NSUN6: variants seen among roughly 807,000 people sequenced by gnomAD.
The protein encoded by NSUN6 is tRNA (cytosine(72)-C(5))-methyltransferase NSUN6.
NSUN6 carries 64 observed loss-of-function variants against 58.0 expected under a neutral mutation model. The observed-to-expected ratio is 1.10, with a 90% CI of 0.90 to 1.36. The LOEUF (loss-of-function observed/expected upper bound fraction) is 1.36. Ranked by LOEUF, NSUN6 falls within the 40% of genes most tolerant of loss-of-function variation. The pLI, the probability that NSUN6 is intolerant of heterozygous loss-of-function variation, is 0.00. For missense variants in NSUN6, 701 were observed against 550.1 expected (o/e 1.27, Z -2.74); for synonymous variants, 231 against 193.9 (o/e 1.19, Z -1.59).
Position 18,643,278 on chromosome 10 carries a change from C to A in NSUN6, c.232-723G>T, listed in dbSNP as rs149982924. On this transcript the variant is annotated intron_variant, in intron 2 of 10. Transcript: ENST00000377304. ...CACAAGCAGAAGACAATTGGACACC[C>A]TACACAGAATAAAAAACAGCTGCAT... 2.4e-3 allele frequency among the ~76,000 whole-genome samples: 361 copies of A among 151,400 alleles called. 2 individuals carry two copies. Among genetic ancestry groups the A allele is most frequent in the African/African-American group, 8.1e-3 (334 of 41,256 alleles).
At position 18,586,004 on chromosome 10, in the gene NSUN6, T is replaced by C. The variant is rs779737658; in HGVS notation, c.867A>G (p.Ala289=). 2 of 1,612,282 alleles carry C rather than the reference T, an allele frequency of 1.2e-6. No individual in the cohort carries two copies. Among genetic ancestry groups the C allele is most frequent in the African/African-American group, 1.3e-5 (1 of 74,842 alleles). The part of the protein sequence containing the change: ...ALLLGLNSIR[A]FCFDGTKAVK... ...CCGCCTTTGTTCCATCAAAACAAAA[T>C]GCCCTGATGGAATTCAGCCCTAACA... Residue 289 remains alanine, a synonymous_variant, in exon 8 of 11, where the codon GCA becomes GCG. Transcript: ENST00000377304.
intron 8 of NSUN6, among the ~76,000 whole-genome samples, chr10:18,556,330 T>TGG (rs2055019658): frequency 2.4e-5 from 1 of 42,342 alleles, no homozygotes; most frequent in Admixed American, 2.4e-4. Context: ...GAATGGGGAA[T>TGG]GTAATGGAAT....
At chr10:18,621,048 G>C (rs2058588042) in intron 3 of NSUN6, among the ~76,000 whole-genome samples, 1 of 152,228 alleles carries the variant, frequency 6.6e-6, no homozygotes, top group African/African-American at 2.4e-5. Flanking sequence ...TGGGAACTGA[G>C]ATTTCAGGAG....
intron 8 of NSUN6, among the ~76,000 whole-genome samples, chr10:18,553,401 G>C (rs2054742107): frequency 6.6e-6 from 1 of 151,370 alleles, no homozygotes; most frequent in Admixed American, 6.6e-5. Flanking sequence ...GGAATGGAAT[G>C]CAGAACGGAG....
At chr10:18,650,105 C>A (rs2059660513) in intron 1 of NSUN6, among the ~76,000 whole-genome samples, 1 of 152,180 alleles carries the variant, frequency 6.6e-6, no homozygotes, top group Non-Finnish European at 1.5e-5. Flanking sequence ...AGACAATCAA[C>A]ATTTACTGAG....
chr10:18,553,478 AGAATG>A (rs1316123075), intron 8 of NSUN6, among the ~76,000 whole-genome samples: 3 of 137,592 alleles, frequency 2.2e-5, no homozygotes, highest in Non-Finnish European at 5.2e-5. Context: ...ACTGGAATGG[AGAATG>A]GAATGGAATG....
In NSUN6 at chr10:18,617,460, T is replaced by C. The variant is rs188998753; in HGVS notation, c.312-1167A>G. Among the ~76,000 whole-genome samples, 730 of 152,258 alleles carry C rather than the reference T, an allele frequency of 4.8e-3. 21 individuals carry two copies. The highest frequency in any genetic ancestry group is 1.1e-3 in the Non-Finnish European group (73 of 68,018). ...GCCTCAGCCTCCCAAAGTACTGGGA[T>C]TATAGGCATGAGCCACCACGCCCAG... On this transcript the variant is annotated intron_variant, in intron 3 of 10. Coordinates refer to ENST00000377304, the MANE Select transcript of NSUN6 (RefSeq NM_182543.5).
chr10:18,568,567 C>A (rs2130946984), intron 8 of NSUN6, among the ~76,000 whole-genome samples: 1 of 151,340 alleles, frequency 6.6e-6, no homozygotes, highest in East Asian at 1.9e-4. Flanking sequence ...CCTTTCCATT[C>A]CATTCCCCTT....
intron 3 of NSUN6, among the ~76,000 whole-genome samples, chr10:18,634,884 C>G (rs1353570191): frequency 1.3e-5 from 2 of 152,028 alleles, no homozygotes; most frequent in African/African-American, 4.8e-5. Flanking sequence ...GACTGCGGTT[C>G]TTAGAAAGGG....
chr10:18,637,011 C>A (rs1208628734), intron 3 of NSUN6, among the ~76,000 whole-genome samples: 2 of 146,082 alleles, frequency 1.4e-5, no homozygotes, highest in Non-Finnish European at 3.0e-5. Context: ...CGTCCGGGCT[C>A]CAGTGCAATG....
chr10:18,633,616 G>A (rs925649426), intron 3 of NSUN6, among the ~76,000 whole-genome samples: 1 of 151,950 alleles, frequency 6.6e-6, no homozygotes, highest in East Asian at 1.9e-4. Context: ...TATTACTTAG[G>A]ATCAGGACCA....
chr10:18,584,327 C>T (rs1360841022), intron 8 of NSUN6, among the ~76,000 whole-genome samples: 2 of 152,182 alleles, frequency 1.3e-5, no homozygotes, highest in Non-Finnish European at 2.9e-5. Context: ...GCTTTCTGCT[C>T]CAAAGGTGAA....
At chr10:18,658,926 C>T (rs1368133240), upstream of NSUN6, among the ~76,000 whole-genome samples, 1 of 152,192 alleles carries the variant, frequency 6.6e-6, no homozygotes, top group Admixed American at 6.5e-5. Flanking sequence ...GAAGAAGAAT[C>T]ACGGCAGAAC....
chr10:18,636,358 T>TAA (rs533141020), intron 3 of NSUN6, among the ~76,000 whole-genome samples: 7,565 of 129,022 alleles, frequency 0.059, 308 homozygotes, highest in Non-Finnish European at 0.094. Context: ...TTGACAATGT[T>TAA]AAAAAAAAAA....
chr10:18,598,834 G>A (rs1027185793), intron 6 of NSUN6, among the ~76,000 whole-genome samples: 1 of 152,156 alleles, frequency 6.6e-6, no homozygotes, highest in African/African-American at 2.4e-5. Flanking sequence ...CACGTTTAAA[G>A]CGGCTAAAGA....
At chr10:18,586,563 G>A (rs1045292923) in intron 7 of NSUN6, among the ~76,000 whole-genome samples, 31 of 151,964 alleles carry the variant, frequency 2.0e-4, no homozygotes, top group African/African-American at 7.3e-4. Flanking sequence ...TTCGCAGTGA[G>A]TGTTATAGCT....
rs1334154283 is a variant in NSUN6 at position 18,545,822 on chromosome 10, C to T, written c.*111G>A. The T allele has an allele frequency of 4.3e-6, 3 of 700,326 alleles. No individual in the cohort carries two copies. The highest frequency in any genetic ancestry group is 7.4e-6 in the Non-Finnish European group (3 of 406,744). The allele number at this position is 700,326 out of a possible 1,614,324, so 43.4% of individuals were successfully genotyped here. On this transcript the variant is annotated 3_prime_UTR_variant, in exon 11 of 11. Coordinates refer to ENST00000377304, the MANE Select transcript of NSUN6 (RefSeq NM_182543.5). ...AAACAGCTGGCAGCCTTTTCTGTTT[C>T]CATAGCAACCACATCATCATTCAGT... is the stretch of plus-strand genomic sequence containing the variant.
chr10:18,564,941 T>C (rs2055814542), intron 8 of NSUN6, among the ~76,000 whole-genome samples: 1 of 147,262 alleles, frequency 6.8e-6, no homozygotes, highest in African/African-American at 2.5e-5. Flanking sequence ...CCATTCCATT[T>C]CATTGCATTC....
chr10:18,642,679 T>C, intron 2 of NSUN6, 124 bp from the exon 3 acceptor site: 1 of 547,508 alleles, frequency 1.8e-6, no homozygotes, highest in African/African-American at 1.9e-5. Flanking sequence ...ATTTTCACCT[T>C]ATTCCACGGG....
Sources: gnomAD v4.1 joint callset for allele counts (sites outside exome capture counted in the v4.1 genomes callset) on GRCh38, gnomAD v4.1.1 for gene constraint, MANE v1.5 for transcripts, NCBI Gene and HGNC (gene_info 2026-07-23, HGNC 2026-07-21) for gene names.